NRXN1: variants seen among roughly 807,000 people sequenced by gnomAD.
NRXN1 encodes neurexin-1.
NRXN1 carries 39 observed loss-of-function variants against 150.9 expected under a neutral mutation model. The observed-to-expected ratio is 0.26, with a 90% confidence interval of 0.20 to 0.34. NRXN1 has a LOEUF of 0.34. NRXN1 is among the 10% of genes least tolerant of loss of function. The pLI is 1.00. For synonymous variants in NRXN1, 924 were observed against 757.0 expected, an observed-to-expected ratio of 1.22 and a Z score of -3.62; for missense variants, 1,815 against 1,949.9, an observed-to-expected ratio of 0.93 and a Z score of 1.30.
intron 18 of NRXN1, among the ~76,000 whole-genome samples, chr2:50,182,151 T>C (rs957743225): frequency 6.7e-6 from 1 of 148,758 alleles, no homozygotes; most frequent in Non-Finnish European, 1.5e-5. Context: ...CAAAACCATA[T>C]AGCTATTTCC....
At chr2:50,999,871 G>T (rs912305890) in intron 2 of NRXN1, among the ~76,000 whole-genome samples, 2 of 151,896 alleles carry the variant, frequency 1.3e-5, no homozygotes, top group African/African-American at 4.8e-5. Context: ...TCATACAAAG[G>T]TTACTCTACT....
intron 5 of NRXN1, among the ~76,000 whole-genome samples, chr2:50,727,198 T>A (rs1361744643): frequency 6.6e-6 from 1 of 152,204 alleles, no homozygotes; most frequent in African/African-American, 2.4e-5. Flanking sequence ...ATATAATTCC[T>A]TATTGGATTA....
At chr2:50,125,043 G>A (rs1704373289) in intron 18 of NRXN1, among the ~76,000 whole-genome samples, 1 of 152,006 alleles carries the variant, frequency 6.6e-6, no homozygotes, top group African/African-American at 2.4e-5. Context: ...ACATATACAT[G>A]TACGTACATG....
chr2:50,990,040 T>C (rs1698313293), intron 2 of NRXN1, among the ~76,000 whole-genome samples: 2 of 152,044 alleles, frequency 1.3e-5, no homozygotes, highest in Non-Finnish European at 1.5e-5. Flanking sequence ...TGGTAGCTCA[T>C]TGTGACTTTA....
At chr2:50,032,201 A>T (rs984614329) in intron 21 of NRXN1, among the ~76,000 whole-genome samples, 3 of 152,168 alleles carry the variant, frequency 2.0e-5, no homozygotes, top group Non-Finnish European at 2.9e-5. Context: ...CATGTACAAG[A>T]CAGGAAAAGC....
intron 2 of NRXN1, among the ~76,000 whole-genome samples, chr2:50,996,708 A>G (rs769822535): frequency 1.3e-5 from 2 of 151,988 alleles, no homozygotes; most frequent in Non-Finnish European, 2.9e-5. Context: ...AGTAGGTTAG[A>G]CTTATTCAAA....
At chr2:50,211,155 G>C (rs1262585524) in intron 18 of NRXN1, among the ~76,000 whole-genome samples, 2 of 151,536 alleles carry the variant, frequency 1.3e-5, no homozygotes, top group African/African-American at 4.8e-5. Flanking sequence ...AAAACTTGTT[G>C]AGGGAAGTTC....
intron 5 of NRXN1, among the ~76,000 whole-genome samples, chr2:50,838,301 G>A (rs1274052979): frequency 4.6e-5 from 7 of 152,070 alleles, no homozygotes; most frequent in Admixed American, 4.6e-4. Context: ...CATTGCGTGT[G>A]GATGAAAGAA....
At chr2:50,493,573 G>A (rs2091388514) in intron 15 of NRXN1, among the ~76,000 whole-genome samples, 1 of 152,166 alleles carries the variant, frequency 6.6e-6, no homozygotes, top group Non-Finnish European at 1.5e-5. Flanking sequence ...AATGCCCACA[G>A]CCACCCTTAC....
chr2:50,499,204 T>G (rs1273296043), intron 13 of NRXN1, among the ~76,000 whole-genome samples: 1 of 152,208 alleles, frequency 6.6e-6, no homozygotes, highest in Non-Finnish European at 1.5e-5. Context: ...TACATATATT[T>G]GTACACAAAA....
intron 1 of NRXN1, among the ~76,000 whole-genome samples, chr2:51,031,615 G>T (rs540029194): frequency 3.3e-5 from 5 of 152,228 alleles, no homozygotes; most frequent in Non-Finnish European, 5.9e-5. Flanking sequence ...GCAGTTTCTT[G>T]GAGCTCGGGG....
intron 5 of NRXN1, among the ~76,000 whole-genome samples, chr2:50,760,382 T>C (rs1701668854): frequency 6.6e-6 from 1 of 151,862 alleles, no homozygotes; most frequent in Non-Finnish European, 1.5e-5. Flanking sequence ...GGCTCCTCTC[T>C]TCTCTAGGTT....
intron 17 of NRXN1, among the ~76,000 whole-genome samples, chr2:50,237,642 C>T (rs544829480): frequency 1.1e-4 from 16 of 151,938 alleles, no homozygotes; most frequent in Admixed American, 9.9e-4. Context: ...AAGGTGAATA[C>T]AAGCCTTATA....
intron 17 of NRXN1, among the ~76,000 whole-genome samples, chr2:50,412,276 C>T (rs1049646839): frequency 2.0e-5 from 3 of 151,200 alleles, no homozygotes; most frequent in East Asian, 1.9e-4. Context: ...CTGCCAAATC[C>T]CCCTCTCCGA....
intron 8 of NRXN1, among the ~76,000 whole-genome samples, chr2:50,559,458 C>A (rs1214303194): frequency 2.0e-5 from 3 of 152,164 alleles, no homozygotes; most frequent in African/African-American, 7.2e-5. Flanking sequence ...CAATCAAATG[C>A]AATTTTAGTC....
At chr2:50,169,668 C>A (rs933627982) in intron 18 of NRXN1, among the ~76,000 whole-genome samples, 2 of 143,608 alleles carry the variant, frequency 1.4e-5, no homozygotes, top group South Asian at 2.1e-4. Flanking sequence ...GCGGAGAATG[C>A]GCCACTGCAC....
chr2:50,307,651 C>T (rs973510970), intron 17 of NRXN1, among the ~76,000 whole-genome samples: 9 of 152,194 alleles, frequency 5.9e-5, no homozygotes, highest in African/African-American at 2.2e-4. Context: ...GTCGAATACA[C>T]TGAAGCCTTG....
At chr2:50,074,085 A>T (rs1696697434) in intron 19 of NRXN1, among the ~76,000 whole-genome samples, 4 of 152,194 alleles carry the variant, frequency 2.6e-5, no homozygotes, top group Admixed American at 2.6e-4. Flanking sequence ...CTTTAAAATA[A>T]ACAAAAAAAT....
At chr2:50,333,512 C>G (rs1169134370) in intron 17 of NRXN1, among the ~76,000 whole-genome samples, 1 of 151,944 alleles carries the variant, frequency 6.6e-6, no homozygotes, top group African/African-American at 2.4e-5. Flanking sequence ...GGATGTGTGC[C>G]CACCCAGCCA....
Sources: allele counts gnomAD v4.1 joint callset (sites outside exome capture counted in the v4.1 genomes callset), GRCh38; gene constraint gnomAD v4.1.1; transcripts MANE v1.5; gene names NCBI Gene and HGNC (gene_info 2026-07-23, HGNC 2026-07-21).